Variants in PRH1 observed in about 807,000 individuals in gnomAD.
The protein encoded by PRH1 is proline rich protein HaeIII subfamily 1.
A neutral mutation model predicts 7.9 loss-of-function variants in PRH1; 7 were observed. The ratio of observed to expected loss-of-function variants is 0.89; its 90% CI spans 0.50 to 1.67. PRH1 has a LOEUF of 1.67. Ranked by LOEUF, PRH1 falls within the 40% of genes most tolerant of loss-of-function variation. The pLI is 0.00. For synonymous variants in PRH1, 45 were observed against 80.8 expected (o/e 0.56, Z 2.38); for missense variants, 109 against 223.6 (o/e 0.49, Z 3.27).
chr12:11,084,629 A>G (rs1217942121), intron 1 of PRH1, among the ~76,000 whole-genome samples: 2 of 101,784 alleles, frequency 2.0e-5, no homozygotes, highest in Non-Finnish European at 4.7e-5. Context: ...TACCTTTAAT[A>G]TTTATATGAA....
chr12:11,086,094 A>G lies in PRH1; in HGVS notation n.124-38906T>C, dbSNP rs535681699. ...ACTTATTGTTAACAAGCTCATTAAC[A>G]TAAACACATTCCCCCCCCCACACAC... is the stretch of plus-strand genomic sequence containing the variant. On this transcript the variant is annotated intron_variant and non_coding_transcript_variant, in intron 1 of 4. Coordinates refer to the PRH1 transcript ENST00000541977. Among the ~76,000 whole-genome samples the G allele has an allele frequency of 4.1e-3, 198 of 48,426 alleles. 5 individuals are homozygous for G. Among genetic ancestry groups the G allele is most frequent in the African/African-American group, 0.012 (187 of 15,964 alleles). The allele number at this position is 48,426 out of a possible 152,430, so 31.8% of individuals were successfully genotyped here.
chr12:10,935,057 A>G (rs954316797), intron 2 of PRH1, among the ~76,000 whole-genome samples: 3 of 152,174 alleles, frequency 2.0e-5, no homozygotes, highest in Non-Finnish European at 2.9e-5. Context: ...CAAAGCTCTT[A>G]TAATTCAAAG....
chr12:11,075,431 G>T (rs1944252484), intron 1 of PRH1, among the ~76,000 whole-genome samples: 1 of 108,404 alleles, frequency 9.2e-6, no homozygotes, highest in Admixed American at 9.5e-5. Context: ...TATCAGCAAA[G>T]CATTGAAGGC....
intron 1 of PRH1, chr12:10,986,131 A>G: frequency 6.2e-7 from 1 of 1,614,100 alleles, no homozygotes; most frequent in Non-Finnish European, 8.5e-7. Flanking sequence ...ACGATTAGGA[A>G]TAGAAAGAAA....
intron 1 of PRH1, among the ~76,000 whole-genome samples, chr12:10,983,570 G>A (rs906880594): frequency 3.9e-5 from 6 of 152,214 alleles, no homozygotes; most frequent in African/African-American, 1.2e-4. Context: ...ATGGAACGCA[G>A]AACAGCAGAG....
At chr12:10,909,403 C>T (rs1949861987) in intron 2 of PRH1, 1 of 747,970 alleles carries the variant, frequency 1.3e-6, no homozygotes, top group South Asian at 2.0e-5. Flanking sequence ...CTTCCTTCTC[C>T]TTTTTCTGCT....
At chr12:11,073,062 A>AAG (rs1944146880) in intron 1 of PRH1, among the ~76,000 whole-genome samples, 1 of 101,074 alleles carries the variant, frequency 9.9e-6, no homozygotes, top group Non-Finnish European at 2.2e-5. Context: ...AATATTTGGA[A>AAG]ACCTGCAACA....
intron 1 of PRH1, among the ~76,000 whole-genome samples, chr12:11,151,213 C>T (rs1315490457): frequency 6.6e-6 from 1 of 152,040 alleles, no homozygotes; most frequent in East Asian, 1.9e-4. Flanking sequence ...TGTCAACATC[C>T]ACACAAATGC....
chr12:11,120,644 G>C (rs1945871201), downstream of PRH1, among the ~76,000 whole-genome samples: 1 of 151,874 alleles, frequency 6.6e-6, no homozygotes, highest in African/African-American at 2.4e-5. Context: ...ATTGCCTTCA[G>C]ATGGCTGTTT....
At chr12:11,078,128 G>C (rs1369702220) in intron 1 of PRH1, 5 of 610,560 alleles carry the variant, frequency 8.2e-6, no homozygotes, top group Non-Finnish European at 1.6e-5. Context: ...GAGATCTTTC[G>C]TGTCTTAACC....
chr12:11,088,727 T>A (rs66500066), intron 1 of PRH1, among the ~76,000 whole-genome samples: 61,088 of 106,296 alleles, frequency 0.57, 26,409 homozygotes, highest in East Asian at 0.95. Flanking sequence ...AGAACAAAAG[T>A]GGGCTCTACA....
intron 2 of PRH1, among the ~76,000 whole-genome samples, chr12:10,902,070 G>C (rs1377759484): frequency 6.6e-6 from 1 of 151,974 alleles, no homozygotes; most frequent in Non-Finnish European, 1.5e-5. Context: ...AGATTGCAAG[G>C]AAGCTCAATG....
intron 1 of PRH1, among the ~76,000 whole-genome samples, chr12:11,147,114 A>G (rs1000931772): frequency 6.6e-6 from 1 of 151,778 alleles, no homozygotes; most frequent in African/African-American, 2.4e-5. Context: ...ACTTTGCCAC[A>G]ACTTGCATTG....
At chr12:10,886,399 C>T (rs1468417165), upstream of PRH1, among the ~76,000 whole-genome samples, 1 of 152,214 alleles carries the variant, frequency 6.6e-6, no homozygotes, top group Non-Finnish European at 1.5e-5. Context: ...ACAGGAAATC[C>T]TCCTAAAGGT....
chr12:10,906,884 T>C (rs1949812666), intron 2 of PRH1, among the ~76,000 whole-genome samples: 1 of 152,044 alleles, frequency 6.6e-6, no homozygotes, highest in African/African-American at 2.4e-5. Context: ...TACAACTCAG[T>C]AATAAAAACA....
intron 1 of PRH1, among the ~76,000 whole-genome samples, chr12:11,063,187 A>G (rs986055196): frequency 3.9e-5 from 6 of 152,136 alleles, no homozygotes; most frequent in African/African-American, 1.2e-4. Context: ...TAGCAATTGT[A>G]TAAGAATTCC....
intron 2 of PRH1, among the ~76,000 whole-genome samples, chr12:10,956,817 G>C (rs1211485536): frequency 6.6e-6 from 1 of 151,882 alleles, no homozygotes; most frequent in Non-Finnish European, 1.5e-5. Context: ...TTTCACAATA[G>C]TCCCAAAAAA....
At chr12:10,969,497 C>T (rs1044205305) in intron 2 of PRH1, among the ~76,000 whole-genome samples, 2 of 152,278 alleles carry the variant, frequency 1.3e-5, no homozygotes. Flanking sequence ...GCTCCTATCA[C>T]CTTCACATAG....
At chr12:10,990,586 G>GA (rs1394249066) in intron 1 of PRH1, among the ~76,000 whole-genome samples, 1 of 152,178 alleles carries the variant, frequency 6.6e-6, no homozygotes, top group Non-Finnish European at 1.5e-5. Context: ...AGAAGCCACT[G>GA]AAAAATCTAA....
Sources: allele counts gnomAD v4.1 joint callset (sites outside exome capture counted in the v4.1 genomes callset), GRCh38; gene constraint gnomAD v4.1.1; transcripts MANE v1.5; gene names NCBI Gene and HGNC (gene_info 2026-07-23, HGNC 2026-07-21).